The following ATP8A2 variants were observed in gnomAD, a reference collection of about 807,000 sequenced individuals.
ATP8A2 encodes the protein ATPase phospholipid transporting 8A2, also known as phospholipid-transporting ATPase IB.
In ATP8A2, 100 loss-of-function variants were observed where a neutral mutation model predicts 165.6. The ratio of observed to expected loss-of-function variants is 0.60; its 90% CI spans 0.51 to 0.71. ATP8A2 has a LOEUF of 0.71. ATP8A2 is among the 30% of genes least tolerant of loss of function. The pLI is 0.00. For missense variants in ATP8A2, 1,227 were observed against 1,479.5 expected, an observed-to-expected ratio of 0.83 and a Z score of 2.80; for synonymous variants, 543 against 548.8, an observed-to-expected ratio of 0.99 and a Z score of 0.15.
intron 24 of ATP8A2, among the ~76,000 whole-genome samples, chr13:25,650,219 C>A (rs1302749982): frequency 6.6e-6 from 1 of 152,198 alleles, no homozygotes; most frequent in Non-Finnish European, 1.5e-5. Flanking sequence ...GTGGACCACA[C>A]AAGTGACTCT....
At chr13:25,689,871 A>G (rs886272645) in intron 24 of ATP8A2, among the ~76,000 whole-genome samples, 8 of 151,016 alleles carry the variant, frequency 5.3e-5, no homozygotes, top group African/African-American at 7.3e-5. Context: ...TTCTTTTAGG[A>G]AAAAAAAACA....
At chr13:26,013,646 C>T (rs1956896316) in intron 36 of ATP8A2, among the ~76,000 whole-genome samples, 2 of 150,260 alleles carry the variant, frequency 1.3e-5, no homozygotes, top group Non-Finnish European at 3.0e-5. Context: ...TGCACTCCAG[C>T]CTGGGCAACA....
chr13:25,933,331 C>A (rs1225107264), intron 33 of ATP8A2, among the ~76,000 whole-genome samples: 2 of 152,174 alleles, frequency 1.3e-5, no homozygotes, highest in Admixed American at 1.3e-4. Flanking sequence ...GATAGCCTGG[C>A]AGTTCTGAGC....
At chr13:25,964,122 C>T (rs957702042) in intron 34 of ATP8A2, among the ~76,000 whole-genome samples, 1 of 152,200 alleles carries the variant, frequency 6.6e-6, no homozygotes, top group South Asian at 2.1e-4. Flanking sequence ...TCAGCTTTTC[C>T]GGGGAGCCAA....
At chr13:25,719,013 G>T (rs2043315236) in intron 25 of ATP8A2, among the ~76,000 whole-genome samples, 1 of 152,152 alleles carries the variant, frequency 6.6e-6, no homozygotes, top group African/African-American at 2.4e-5. Context: ...GACTTGCCTT[G>T]TTCTGCACCT....
intron 25 of ATP8A2, among the ~76,000 whole-genome samples, chr13:25,728,159 A>T (rs1262438491): frequency 6.6e-6 from 1 of 152,206 alleles, no homozygotes; most frequent in East Asian, 1.9e-4. Flanking sequence ...AAATGTAAAA[A>T]CTTGGAATAA....
intron 1 of ATP8A2, among the ~76,000 whole-genome samples, chr13:25,433,316 A>G (rs1344244880): frequency 6.6e-6 from 1 of 152,072 alleles, no homozygotes; most frequent in Non-Finnish European, 1.5e-5. Context: ...TCTGTCTCCC[A>G]GGCTGGAGTG....
chr13:25,790,892 C>T (rs1593351402), intron 27 of ATP8A2, among the ~76,000 whole-genome samples: 1 of 151,780 alleles, frequency 6.6e-6, no homozygotes, highest in Non-Finnish European at 1.5e-5. Flanking sequence ...CAGATGTTGG[C>T]GAGGTGGTGG....
chr13:25,443,634 T>C (rs566334834), intron 1 of ATP8A2, among the ~76,000 whole-genome samples: 9 of 152,362 alleles, frequency 5.9e-5, no homozygotes, highest in Admixed American at 3.3e-4. Flanking sequence ...AATGCTGAGA[T>C]TGTAGTCTAC....
Position 25,571,689 on chromosome 13 carries a change from A to G in ATP8A2, c.1659A>G (p.Glu553=), listed in dbSNP as rs760405002. 1 of 1,613,724 alleles carries G rather than the reference A, an allele frequency of 6.2e-7. No individual in the cohort carries two copies. Among genetic ancestry groups the G allele is most frequent in the South Asian group, 1.1e-5 (1 of 91,070 alleles). ...GAACACCATTCTCAGTCATCATAGAAGCGGTGAGTAACATGCGTGTGCACA... is the reference window on the plus strand; with the variant it reads ...GAACACCATTCTCAGTCATCATAGAGGCGGTGAGTAACATGCGTGTGCACA... ...TARTPFSVII[E]AMGQEQTFGI... Residue 553 remains glutamate (E), a synonymous_variant, in exon 18 of 37, where the codon GAA becomes GAG. Transcript: ENST00000381655.
chr13:25,618,838 C>T (rs913805742), intron 24 of ATP8A2, among the ~76,000 whole-genome samples: 1 of 151,984 alleles, frequency 6.6e-6, no homozygotes, highest in Non-Finnish European at 1.5e-5. Context: ...ACATGCATTT[C>T]AATCAGTTCT....
chr13:25,924,475 T>TG (rs994374207), intron 33 of ATP8A2, among the ~76,000 whole-genome samples: 2 of 152,186 alleles, frequency 1.3e-5, no homozygotes, highest in African/African-American at 4.8e-5. Context: ...CGGGCCTTCC[T>TG]GTGTCTGTGT....
intron 27 of ATP8A2, among the ~76,000 whole-genome samples, chr13:25,810,625 A>G (rs866720815): frequency 6.6e-6 from 1 of 152,290 alleles, no homozygotes; most frequent in African/African-American, 2.4e-5. Flanking sequence ...AACCTTACAG[A>G]TATTTCTGAT....
At chr13:25,707,487 A>C (rs896070278) in intron 25 of ATP8A2, among the ~76,000 whole-genome samples, 1 of 152,190 alleles carries the variant, frequency 6.6e-6, no homozygotes, top group Non-Finnish European at 1.5e-5. Context: ...TATGTCCTGG[A>C]CTAATAAAAC....
At chr13:25,861,435 C>A (rs1952348530) in intron 32 of ATP8A2, among the ~76,000 whole-genome samples, 1 of 152,208 alleles carries the variant, frequency 6.6e-6, no homozygotes, top group African/African-American at 2.4e-5. Flanking sequence ...TCATCACTCT[C>A]TTATTTTAGA....
At chr13:25,633,179 C>T (rs182371669) in intron 24 of ATP8A2, among the ~76,000 whole-genome samples, 196 of 152,216 alleles carry the variant, frequency 1.3e-3, no homozygotes, top group Non-Finnish European at 1.9e-3. Context: ...TTTAGAGATC[C>T]GTTCTATTAA....
chr13:25,433,561 A>G (rs899725431), intron 1 of ATP8A2, among the ~76,000 whole-genome samples: 3 of 152,148 alleles, frequency 2.0e-5, no homozygotes, highest in Non-Finnish European at 4.4e-5. Context: ...GGTATGAGTC[A>G]TGGATCCTGA....
At chr13:25,664,662 T>C (rs2042114274) in intron 24 of ATP8A2, among the ~76,000 whole-genome samples, 1 of 152,120 alleles carries the variant, frequency 6.6e-6, no homozygotes, top group Non-Finnish European at 1.5e-5. Context: ...CAAAACCAGG[T>C]AGCCAGAAGG....
intron 34 of ATP8A2, among the ~76,000 whole-genome samples, chr13:25,962,185 CTT>C (rs1272200205): frequency 6.6e-6 from 1 of 152,146 alleles, no homozygotes; most frequent in Non-Finnish European, 1.5e-5. Context: ...ACTCATCTCT[CTT>C]TATATCATAA....
Sources: gnomAD v4.1 joint callset for allele counts (sites outside exome capture counted in the v4.1 genomes callset) on GRCh38, gnomAD v4.1.1 for gene constraint, MANE v1.5 for transcripts, NCBI Gene and HGNC (gene_info 2026-07-23, HGNC 2026-07-21) for gene names.